SKAP2: variants seen among roughly 807,000 people sequenced by gnomAD.
SKAP2 encodes src kinase associated phosphoprotein 2.
Under a neutral mutation model 54.9 loss-of-function variants are expected in SKAP2, and 28 were observed. The observed-to-expected ratio is 0.51, with a 90% CI of 0.38 to 0.70. The LOEUF (loss-of-function observed/expected upper bound fraction) is 0.70. SKAP2 is among the 30% of genes least tolerant of loss of function. SKAP2 has a pLI of 0.00. For missense variants in SKAP2, 356 were observed against 424.1 expected, an observed-to-expected ratio of 0.84 and a Z score of 1.41; for synonymous variants, 137 against 134.3, an observed-to-expected ratio of 1.02 and a Z score of -0.14.
chr7:26,785,128 T>C (rs1384509299), intron 4 of SKAP2, among the ~76,000 whole-genome samples: 1 of 152,138 alleles, frequency 6.6e-6, no homozygotes, highest in Non-Finnish European at 1.5e-5. Flanking sequence ...CTAAACTCTT[T>C]CAATATACCC....
intron 4 of SKAP2, among the ~76,000 whole-genome samples, chr7:26,754,837 G>A (rs529647014): frequency 6.6e-6 from 1 of 152,196 alleles, no homozygotes; most frequent in East Asian, 1.9e-4. Flanking sequence ...GCAATAAAAT[G>A]GTCTGAACTC....
chr7:26,741,567 TAAATAAATA>T (rs1782456000), intron 4 of SKAP2, among the ~76,000 whole-genome samples: 5 of 100,158 alleles, frequency 5.0e-5, no homozygotes, highest in African/African-American at 1.3e-4. Flanking sequence ...AATAAATAAA[TAAATAAATA>T]AATTAATAAA....
intron 9 of SKAP2, among the ~76,000 whole-genome samples, chr7:26,707,197 T>C (rs1190296759): frequency 6.6e-6 from 1 of 151,752 alleles, no homozygotes; most frequent in Non-Finnish European, 1.5e-5. Flanking sequence ...TTGTCTCTAC[T>C]AAAAATACAA....
intron 4 of SKAP2, among the ~76,000 whole-genome samples, chr7:26,796,716 C>A (rs1200359415): frequency 5.3e-5 from 8 of 152,176 alleles, no homozygotes; most frequent in Non-Finnish European, 1.0e-4. Context: ...AATAACATTT[C>A]TCTAGCTTAT....
At chr7:26,850,585 CAAAAAAAAAAGAA>C (rs1158808142) in intron 3 of SKAP2, among the ~76,000 whole-genome samples, 1 of 111,140 alleles carries the variant, frequency 9.0e-6, no homozygotes, top group African/African-American at 3.4e-5. Flanking sequence ...GATCCTATCT[CAAAAAAAAAAGAA>C]AAAAAAAGGA....
rs117682491 is a variant in SKAP2 at position 26,852,074 on chromosome 7, G to C, written c.199+2063C>G. ...TCACAATGTGACCCTACATTGACTAGAGAGAGAGACAAGAGGGAAGAGAAA... is the reference window on the plus strand; with the variant it reads ...TCACAATGTGACCCTACATTGACTACAGAGAGAGACAAGAGGGAAGAGAAA... On this transcript the variant is annotated intron_variant, in intron 3 of 12. Coordinates refer to ENST00000345317, the MANE Select transcript of SKAP2 (RefSeq NM_003930.5). Among the ~76,000 whole-genome samples, 3 of 152,180 alleles carry C rather than the reference G, an allele frequency of 2.0e-5. No homozygotes were observed. The East Asian group carries it at 5.8e-4, about 29-fold the overall frequency.
At chr7:26,658,037 C>T in the SKAP2 span, among the ~76,000 whole-genome samples, 1 of 152,274 alleles carries the variant, frequency 6.6e-6, no homozygotes, top group Middle Eastern at 3.4e-3. Flanking sequence ...AATTGTGCTA[C>T]TGAGGTCTGT....
At chr7:26,786,624 C>A (rs1023667689) in intron 4 of SKAP2, among the ~76,000 whole-genome samples, 1 of 152,168 alleles carries the variant, frequency 6.6e-6, no homozygotes, top group East Asian at 1.9e-4. Flanking sequence ...GCACTTTCAA[C>A]GGGTGCCTGT....
intron 4 of SKAP2, among the ~76,000 whole-genome samples, chr7:26,797,703 G>T (rs765919429): frequency 6.6e-6 from 1 of 152,082 alleles, no homozygotes; most frequent in Non-Finnish European, 1.5e-5. Context: ...ACCAATCCTG[G>T]AGAAACACAG....
Position 26,860,118 on chromosome 7 carries a change from T to C in SKAP2, c.67+4245A>G, listed in dbSNP as rs577191010. The stretch of plus-strand genomic sequence containing the variant: ...TATAATGCTAATTTTTTAATATGTT[T>C]AGATTCTTCTTTTTGAAGAAAACCA... On this transcript the variant is annotated intron_variant, in intron 1 of 12. Transcript: ENST00000345317. 1.2e-4 allele frequency among the ~76,000 whole-genome samples: 19 copies of C among 152,318 alleles called. No homozygotes were observed. In the East Asian group the frequency reaches 3.7e-3, roughly 29 times the overall value.
At chr7:26,792,088 T>G (rs1192239070) in intron 4 of SKAP2, among the ~76,000 whole-genome samples, 1 of 152,208 alleles carries the variant, frequency 6.6e-6, no homozygotes, top group African/African-American at 2.4e-5. Context: ...GAAGCCAGAT[T>G]TCTCTGGCTA....
At chr7:26,813,450 T>C (rs1784199227) in intron 4 of SKAP2, among the ~76,000 whole-genome samples, 1 of 152,232 alleles carries the variant, frequency 6.6e-6, no homozygotes, top group Admixed American at 6.5e-5. Context: ...TTAGAACTTC[T>C]TTTGTCTGTC....
chr7:26,787,328 T>C (rs1170533239), intron 4 of SKAP2, among the ~76,000 whole-genome samples: 2 of 152,108 alleles, frequency 1.3e-5, no homozygotes, highest in African/African-American at 4.8e-5. Flanking sequence ...ATGGTTTTTT[T>C]TTTTTCCTTT....
chr7:26,819,153 C>G (rs1162510571), intron 4 of SKAP2, among the ~76,000 whole-genome samples: 1 of 152,108 alleles, frequency 6.6e-6, no homozygotes, highest in Non-Finnish European at 1.5e-5. Flanking sequence ...TTCACAACAG[C>G]AAAGACTTGG....
intron 4 of SKAP2, among the ~76,000 whole-genome samples, chr7:26,754,415 AC>A (rs1782747437): frequency 8.8e-5 from 12 of 137,090 alleles, no homozygotes; most frequent in Non-Finnish European, 1.9e-4. Context: ...AAAAAAAAAA[AC>A]CCAACTGACA....
intron 4 of SKAP2, among the ~76,000 whole-genome samples, chr7:26,822,758 C>T (rs984371397): frequency 6.6e-6 from 1 of 151,828 alleles, no homozygotes; most frequent in Non-Finnish European, 1.5e-5. Flanking sequence ...TGGCGGGCGC[C>T]TGCAGTCCCA....
chr7:26,751,195 C>T (rs1036224960), intron 4 of SKAP2, among the ~76,000 whole-genome samples: 3 of 152,002 alleles, frequency 2.0e-5, no homozygotes, highest in Non-Finnish European at 2.9e-5. Flanking sequence ...AGAAAAATAA[C>T]AGGTACATAA....
intron 4 of SKAP2, among the ~76,000 whole-genome samples, chr7:26,759,980 A>C (rs1328602437): frequency 6.6e-6 from 1 of 152,152 alleles, no homozygotes; most frequent in East Asian, 1.9e-4. Flanking sequence ...AAAAAGATGC[A>C]TTTCCACACT....
chr7:26,857,993 C>T (rs576636940), intron 1 of SKAP2: 1 of 152,350 alleles, frequency 6.6e-6, no homozygotes, highest in African/African-American at 2.4e-5. Context: ...TTCAGGGAAA[C>T]GCAGTAATTT....
Sources: allele counts gnomAD v4.1 joint callset (sites outside exome capture counted in the v4.1 genomes callset), GRCh38; gene constraint gnomAD v4.1.1; transcripts MANE v1.5; gene names NCBI Gene and HGNC (gene_info 2026-07-23, HGNC 2026-07-21).